Variants in AKAP19 observed in about 807,000 individuals in gnomAD.
AKAP19 encodes A-kinase anchoring protein 19, also known as small A-kinase anchoring protein.
At chr2:189,905,451 T>A in the AKAP19 span, among the ~76,000 whole-genome samples, 1 of 152,032 alleles carries the variant, frequency 6.6e-6, no homozygotes, top group African/African-American at 2.4e-5. Flanking sequence ...CCACACACAT[T>A]GAAGTCTGAA....
the AKAP19 span, among the ~76,000 whole-genome samples, chr2:190,016,440 C>T: frequency 1.3e-5 from 2 of 152,144 alleles, no homozygotes; most frequent in Non-Finnish European, 2.9e-5. Context: ...TGGGGGACAC[C>T]AACCCCATGA....
chr2:189,880,217 T>C, the AKAP19 span, among the ~76,000 whole-genome samples: 1 of 152,214 alleles, frequency 6.6e-6, no homozygotes, highest in Non-Finnish European at 1.5e-5. Flanking sequence ...TTTCATCTTA[T>C]GTTCTTATGT....
chr2:189,906,779 G>A, the AKAP19 span, among the ~76,000 whole-genome samples: 1 of 151,808 alleles, frequency 6.6e-6, no homozygotes, highest in African/African-American at 2.4e-5. Flanking sequence ...TATGTATCAT[G>A]CAACACTTAA....
the AKAP19 span, among the ~76,000 whole-genome samples, chr2:189,973,853 A>C: frequency 6.6e-6 from 1 of 151,732 alleles, no homozygotes; most frequent in Middle Eastern, 3.4e-3. Flanking sequence ...TTTTTATTGC[A>C]TCTATTTGAC....
chr2:189,992,050 AT>A, the AKAP19 span, among the ~76,000 whole-genome samples: 107,337 of 122,004 alleles, frequency 0.88, 46,828 homozygotes, highest in Admixed American at 0.92. Context: ...TATTAAATAG[AT>A]TTTTTTTTTT....
chr2:190,069,008 G>C, the AKAP19 span, among the ~76,000 whole-genome samples: 1 of 152,062 alleles, frequency 6.6e-6, no homozygotes, highest in East Asian at 1.9e-4. Context: ...TGCCATGCTG[G>C]CTATGACACC....
the AKAP19 span, among the ~76,000 whole-genome samples, chr2:189,889,537 G>A: frequency 1.3e-5 from 2 of 152,114 alleles, no homozygotes; most frequent in Non-Finnish European, 2.9e-5. Context: ...GGTAGAATTC[G>A]GCTGTGAATC....
chr2:190,110,164 T>A, the AKAP19 span, among the ~76,000 whole-genome samples: 1 of 152,204 alleles, frequency 6.6e-6, no homozygotes, highest in Non-Finnish European at 1.5e-5. Context: ...AACATCAGGA[T>A]GTCTGGATTA....
chr2:190,114,234 T>C, the AKAP19 span, among the ~76,000 whole-genome samples: 1,320 of 152,288 alleles, frequency 8.7e-3, 14 homozygotes, highest in African/African-American at 0.03. Context: ...ATTGAATGGG[T>C]TTATTTGTAG....
the AKAP19 span, among the ~76,000 whole-genome samples, chr2:190,095,036 A>G: frequency 2.3e-4 from 35 of 152,216 alleles, no homozygotes; most frequent in Non-Finnish European, 3.1e-4. Context: ...CAGCCTGACC[A>G]ATATGGTGAA....
At chr2:190,063,330 T>G in the AKAP19 span, among the ~76,000 whole-genome samples, 1 of 152,158 alleles carries the variant, frequency 6.6e-6, no homozygotes, top group Non-Finnish European at 1.5e-5. Context: ...TAACATATTG[T>G]GCATGGAATT....
chr2:190,151,868 T>G, the AKAP19 span, among the ~76,000 whole-genome samples: 3 of 151,912 alleles, frequency 2.0e-5, no homozygotes, highest in Non-Finnish European at 4.4e-5. Context: ...CTAGGCATGG[T>G]GGCAGGCGCC....
chr2:190,142,274 C>T, the AKAP19 span, among the ~76,000 whole-genome samples: 1 of 152,148 alleles, frequency 6.6e-6, no homozygotes, highest in Non-Finnish European at 1.5e-5. Context: ...TTCATTACTT[C>T]CATTTAAAAT....
chr2:189,960,526 T>C, the AKAP19 span, among the ~76,000 whole-genome samples: 1 of 152,208 alleles, frequency 6.6e-6, no homozygotes, highest in Non-Finnish European at 1.5e-5. Flanking sequence ...AACACAGTGA[T>C]TACTAGGACC....
At chr2:190,164,397 G>A in the AKAP19 span, among the ~76,000 whole-genome samples, 2 of 152,106 alleles carry the variant, frequency 1.3e-5, no homozygotes, top group African/African-American at 4.8e-5. Context: ...TTAGGCATGC[G>A]TGGTGGCACT....
chr2:189,972,352 G>A, the AKAP19 span, among the ~76,000 whole-genome samples: 1 of 152,212 alleles, frequency 6.6e-6, no homozygotes, highest in Non-Finnish European at 1.5e-5. Context: ...TCTCTGTTTT[G>A]GTACCAGTAC....
At chr2:190,097,418 T>C in the AKAP19 span, among the ~76,000 whole-genome samples, 1 of 152,332 alleles carries the variant, frequency 6.6e-6, no homozygotes. Flanking sequence ...TGCTGATGGC[T>C]GGAGTACCTG....
the AKAP19 span, among the ~76,000 whole-genome samples, chr2:190,055,507 C>G: frequency 6.6e-6 from 1 of 151,992 alleles, no homozygotes; most frequent in East Asian, 1.9e-4. Flanking sequence ...AGAAATGAAA[C>G]AGATATAACT....
At chr2:189,926,195 T>C in the AKAP19 span, among the ~76,000 whole-genome samples, 8 of 152,258 alleles carry the variant, frequency 5.3e-5, no homozygotes, top group South Asian at 2.1e-4. Context: ...TCTCACTGTT[T>C]ATGGAGCTTT....
Sources: allele counts gnomAD v4.1 joint callset (sites outside exome capture counted in the v4.1 genomes callset), GRCh38; gene constraint gnomAD v4.1.1; transcripts MANE v1.5; gene names NCBI Gene and HGNC (gene_info 2026-07-23, HGNC 2026-07-21).